Variants in APP observed in about 807,000 individuals in gnomAD.
APP encodes the protein amyloid beta precursor protein.
Under a neutral mutation model 101.4 loss-of-function variants are expected in APP, and 31 were observed. The observed-to-expected ratio is 0.31, with a 90% CI of 0.23 to 0.41. The LOEUF (loss-of-function observed/expected upper bound fraction) is 0.41, where lower values mean the gene tolerates loss of function less well. Among genes scored for constraint, APP ranks in the 10% least tolerant of loss-of-function variants. APP has a pLI of 1.00. For synonymous variants in APP, 366 were observed against 364.4 expected, an observed-to-expected ratio of 1.00 and a Z score of -0.05; for missense variants, 839 against 1,003.7, an observed-to-expected ratio of 0.84 and a Z score of 2.22.
intron 13 of APP, among the ~76,000 whole-genome samples, chr21:25,913,127 A>G (rs1286010098): frequency 6.6e-6 from 1 of 152,234 alleles, no homozygotes; most frequent in African/African-American, 2.4e-5. Context: ...ACATTTTACA[A>G]TCATCTTTCA....
intron 1 of APP, 124 bp from the exon 2 acceptor site, chr21:26,112,270 G>C: frequency 1.0e-6 from 1 of 968,162 alleles, no homozygotes; most frequent in Non-Finnish European, 1.6e-6. Flanking sequence ...GAATCAGCCC[G>C]GTCTTCAACA....
intron 11 of APP, among the ~76,000 whole-genome samples, chr21:25,973,943 T>TAAAAAAAA (rs369334912): frequency 2.7e-5 from 3 of 111,110 alleles, no homozygotes; most frequent in African/African-American, 7.6e-5. Context: ...CCATCTCATT[T>TAAAAAAAA]AAAAAAAAAA....
intron 17 of APP, among the ~76,000 whole-genome samples, chr21:25,890,216 C>T (rs17803163): frequency 0.051 from 7,815 of 152,232 alleles, 283 homozygotes; most frequent in Middle Eastern, 0.085. Context: ...TGCTCATCCA[C>T]GTCAGTATGA....
intron 11 of APP, among the ~76,000 whole-genome samples, chr21:25,962,304 G>GA (rs2041615190): frequency 6.6e-6 from 1 of 152,064 alleles, no homozygotes; most frequent in African/African-American, 2.4e-5. Context: ...ACAGCAAGAG[G>GA]AAAGAGAAAC....
chr21:26,112,269 C>A, intron 1 of APP, 123 bp from the exon 2 acceptor site: 1 of 964,058 alleles, frequency 1.0e-6, no homozygotes, highest in East Asian at 2.5e-5. Context: ...GGAATCAGCC[C>A]GGTCTTCAAC....
intron 14 of APP, among the ~76,000 whole-genome samples, chr21:25,906,058 T>A (rs1176396965): frequency 1.3e-5 from 2 of 152,190 alleles, no homozygotes; most frequent in Non-Finnish European, 2.9e-5. Flanking sequence ...GTGTGCTCGA[T>A]GAAATGGCTT....
chr21:25,995,667 T>TA (rs2043025612), intron 8 of APP, among the ~76,000 whole-genome samples: 1 of 152,242 alleles, frequency 6.6e-6, no homozygotes, highest in African/African-American at 2.4e-5. Context: ...GTGGAATAGC[T>TA]AGAGCTTTTT....
chr21:26,167,875 C>G (rs1185254515), intron 1 of APP, among the ~76,000 whole-genome samples: 1 of 152,174 alleles, frequency 6.6e-6, no homozygotes, highest in Non-Finnish European at 1.5e-5. Flanking sequence ...TGCCAGTTAT[C>G]ATGGTTTCTC....
intron 3 of APP, among the ~76,000 whole-genome samples, chr21:26,070,982 T>C (rs573524382): frequency 6.6e-6 from 1 of 152,300 alleles, no homozygotes; most frequent in African/African-American, 2.4e-5. Context: ...TGACTGAATT[T>C]TATAATGAAA....
intron 7 of APP, among the ~76,000 whole-genome samples, chr21:25,998,309 C>A (rs527640934): frequency 3.0e-4 from 45 of 151,842 alleles, no homozygotes; most frequent in African/African-American, 1.1e-3. Flanking sequence ...GTTCGCAATA[C>A]CTGACCTAAT....
intron 6 of APP, among the ~76,000 whole-genome samples, chr21:26,005,732 A>C (rs1382787735): frequency 6.6e-6 from 1 of 152,222 alleles, no homozygotes; most frequent in Non-Finnish European, 1.5e-5. Context: ...TTTTCTCAAT[A>C]GCATAATTTC....
At chr21:26,167,392 T>C (rs2063641075) in intron 1 of APP, among the ~76,000 whole-genome samples, 1 of 152,232 alleles carries the variant, frequency 6.6e-6, no homozygotes, top group African/African-American at 2.4e-5. Flanking sequence ...AAAAGAAATG[T>C]ATTAATGAAA....
intron 13 of APP, among the ~76,000 whole-genome samples, chr21:25,926,929 G>C (rs538586091): frequency 7.1e-6 from 1 of 141,374 alleles, no homozygotes; most frequent in Non-Finnish European, 1.5e-5. Context: ...TGTGAACCCC[G>C]GAGGCGGAGC....
At chr21:25,930,408 G>A (rs1601436630) in intron 13 of APP, among the ~76,000 whole-genome samples, 1 of 152,328 alleles carries the variant, frequency 6.6e-6, no homozygotes, top group African/African-American at 2.4e-5. Context: ...GTTGATACAT[G>A]CTGAATTGAT....
At chr21:26,164,799 T>A (rs1387410668) in intron 1 of APP, among the ~76,000 whole-genome samples, 2 of 145,004 alleles carry the variant, frequency 1.4e-5, no homozygotes, top group Non-Finnish European at 3.0e-5. Context: ...GAGGTTGCAG[T>A]GAGCCGAGAT....
chr21:26,011,686 A>G (rs117306989), intron 6 of APP, among the ~76,000 whole-genome samples: 1,770 of 152,300 alleles, frequency 0.012, 13 homozygotes, highest in Non-Finnish European at 0.019. Flanking sequence ...CACCAAGACT[A>G]CTGGGCAGCA....
intron 1 of APP, among the ~76,000 whole-genome samples, chr21:26,139,132 C>T (rs1405935068): frequency 2.0e-5 from 3 of 151,454 alleles, no homozygotes; most frequent in African/African-American, 7.3e-5. Context: ...TGCAACATTA[C>T]GTAAGGGATG....
chr21:26,001,640 C>T (rs114123495), intron 6 of APP, among the ~76,000 whole-genome samples: 3,501 of 152,152 alleles, frequency 0.023, 143 homozygotes, highest in African/African-American at 0.08. Context: ...CTGGGATTAC[C>T]CTTGTACCAG....
intron 13 of APP, among the ~76,000 whole-genome samples, chr21:25,944,797 G>T (rs1034283704): frequency 3.3e-5 from 5 of 152,050 alleles, no homozygotes; most frequent in African/African-American, 1.2e-4. Flanking sequence ...AAAATCATTG[G>T]TTGTTCCCAA....
Sources: gnomAD v4.1 joint callset for allele counts (sites outside exome capture counted in the v4.1 genomes callset) on GRCh38, gnomAD v4.1.1 for gene constraint, MANE v1.5 for transcripts, NCBI Gene and HGNC (gene_info 2026-07-23, HGNC 2026-07-21) for gene names.